C6orf89: variants seen among roughly 807,000 people sequenced by gnomAD.
C6orf89 encodes chromosome 6 open reading frame 89.
C6orf89 carries 29 observed loss-of-function variants against 40.7 expected under a neutral mutation model. The observed-to-expected ratio is 0.71, with a 90% CI of 0.53 to 0.97. C6orf89 has a LOEUF of 0.97. Among genes scored for constraint, C6orf89 ranks in the 50% least tolerant of loss-of-function variants. The pLI, the probability that C6orf89 is intolerant of heterozygous loss-of-function variation, is 0.00. For synonymous variants in C6orf89, 165 were observed against 152.2 expected, an observed-to-expected ratio of 1.08 and a Z score of -0.62; for missense variants, 392 against 429.1, an observed-to-expected ratio of 0.91 and a Z score of 0.76.
Position 36,915,789 on chromosome 6 carries a change from C to T in C6orf89, c.696-656C>T, listed in dbSNP as rs559323919. ...ATTAAGTAACTTGCCTAAGGTTACC[C>T]AGCCAGGATCGAAACCCCAGTTTGT... On this transcript the variant is annotated intron_variant, in intron 6 of 8. Transcript: ENST00000480824. 5.3e-5 allele frequency among the ~76,000 whole-genome samples: 8 copies of T among 152,174 alleles called. No homozygotes were observed. The South Asian group carries it at 1.5e-3, about 28-fold the overall frequency.
At chr6:36,894,308 C>T (rs1761343011) in intron 1 of C6orf89, among the ~76,000 whole-genome samples, 196 bp from the exon 2 acceptor site, 1 of 152,258 alleles carries the variant, frequency 6.6e-6, no homozygotes, top group East Asian at 1.9e-4. Context: ...TTCTGGTCCT[C>T]TACTGAGTTT....
At chr6:36,889,247 C>A (rs941775082) in intron 1 of C6orf89, among the ~76,000 whole-genome samples, 1 of 152,168 alleles carries the variant, frequency 6.6e-6, no homozygotes, top group East Asian at 1.9e-4. Context: ...CTGAAAAAAA[C>A]GTCCTTCGAA....
At chr6:36,915,163 A>G (rs1316930865) in intron 6 of C6orf89, among the ~76,000 whole-genome samples, 1 of 152,200 alleles carries the variant, frequency 6.6e-6, no homozygotes, top group Non-Finnish European at 1.5e-5. Context: ...AAAGGGATGG[A>G]TGAAGAGGTG....
At chr6:36,917,039 C>G (rs1314120086) in intron 7 of C6orf89, among the ~76,000 whole-genome samples, 9 of 151,832 alleles carry the variant, frequency 5.9e-5, no homozygotes, top group Admixed American at 5.9e-4. Flanking sequence ...TAGGGAGACC[C>G]TATCTCTATT....
At chr6:36,905,101 C>G (rs1761878078) in intron 4 of C6orf89, among the ~76,000 whole-genome samples, 2 of 152,222 alleles carry the variant, frequency 1.3e-5, no homozygotes, top group East Asian at 3.8e-4. Flanking sequence ...TTGTTTATTA[C>G]TTACCAGATG....
rs1762684799 is a variant in C6orf89 at position 36,926,584 on chromosome 6, GGGGAGGGAAAGGGAA to G, written c.*3151_*3165del. The G allele has an allele frequency of 5.1e-5, 7 of 136,590 alleles. No homozygotes were observed. Among genetic ancestry groups the G allele is most frequent in the Admixed American group, 4.9e-4 (7 of 14,194 alleles). The allele number at this position is 136,590 out of a possible 1,614,324, so 8.5% of individuals were successfully genotyped here. A position where few individuals can be genotyped will look rare whatever the true frequency, so the allele number is the denominator to read the frequency against. On this transcript the variant is annotated 3_prime_UTR_variant, in exon 9 of 9. Coordinates refer to ENST00000480824, the MANE Select transcript of C6orf89 (RefSeq NM_001286635.2). ...AAGAGAGAGAGAAAAGAAGAGGGGA[GGGGAGGGAAAGGGAA>G]GGGAGGGGAGGGGAGGAGAGGAGAG...
Position 36,923,406 on chromosome 6 carries a change from G to T in C6orf89, c.1009G>T (p.Val337Phe). The stretch of plus-strand genomic sequence containing the variant: ...TATAGCCAGAGGGGTCCAGCCTTTG[G>T]TCATCTGCGATGGAACCGCTTTCTC... ...YVIARGVQPL[V>F]ICDGTAFSEL is the part of the protein sequence containing the mutation. The change falls in exon 9 of 9, where the codon GTC becomes TTC. Residue 337 changes from valine to phenylalanine, a missense_variant. Val to Phe is a conservative substitution (Grantham distance 50). Transcript: ENST00000480824. 1 of 1,614,166 alleles carries T rather than the reference G, an allele frequency of 6.2e-7. No homozygotes were observed. Among genetic ancestry groups the T allele is most frequent in the Non-Finnish European group, 8.5e-7 (1 of 1,179,992 alleles).
chr6:36,896,136 C>G (rs1443505799), intron 2 of C6orf89, among the ~76,000 whole-genome samples: 2 of 152,152 alleles, frequency 1.3e-5, no homozygotes, highest in African/African-American at 4.8e-5. Flanking sequence ...GAGATGGAGT[C>G]TCACTCTGTC....
At chr6:36,921,136 T>C (rs1398882456) in intron 8 of C6orf89, among the ~76,000 whole-genome samples, 2 of 150,238 alleles carry the variant, frequency 1.3e-5, no homozygotes, top group Non-Finnish European at 2.9e-5. Context: ...TGGCAGTGTC[T>C]ATAAAAGGCC....
At chr6:36,900,338 A>G (rs1400527865) in intron 3 of C6orf89, among the ~76,000 whole-genome samples, 1 of 149,486 alleles carries the variant, frequency 6.7e-6, no homozygotes, top group Non-Finnish European at 1.5e-5. Context: ...AGTAGCTGGG[A>G]TTACAGCCAT....
At chr6:36,876,799 G>A (rs1432761479) in intron 1 of C6orf89, among the ~76,000 whole-genome samples, 1 of 151,856 alleles carries the variant, frequency 6.6e-6, no homozygotes, top group Non-Finnish European at 1.5e-5. Context: ...TTACTCCAGA[G>A]TAGGTTTGGA....
intron 8 of C6orf89, among the ~76,000 whole-genome samples, chr6:36,921,439 A>G (rs1762506330): frequency 6.6e-6 from 1 of 152,152 alleles, no homozygotes; most frequent in African/African-American, 2.4e-5. Context: ...GACAAAATGT[A>G]CATTTTCCTG....
In C6orf89 at chr6:36,877,054, AT is replaced by A. The variant is rs929390371; in HGVS notation, c.-627-1947del. On this transcript the variant is annotated intron_variant, in intron 1 of 9. Transcript: ENST00000359359. ...ATATAAATGGAGTTATAAAGTACGT[AT>A]TTTTTTGTGCCTGGCTTCCTTTCCT... Among the ~76,000 whole-genome samples the A allele has an allele frequency of 2.0e-5, 3 of 152,022 alleles. 1 individual carries two copies. In the South Asian group the frequency reaches 6.2e-4, roughly 32 times the overall value.
At chr6:36,904,586 G>T (rs1761856191) in intron 4 of C6orf89, among the ~76,000 whole-genome samples, 1 of 152,222 alleles carries the variant, frequency 6.6e-6, no homozygotes. Context: ...AGAGTAAACA[G>T]AAACACATGA....
In C6orf89 at chr6:36,921,249, C is replaced by T. The variant is rs929443498; in HGVS notation, c.949+1548C>T. 1.1e-4 allele frequency among the ~76,000 whole-genome samples: 17 copies of T among 152,212 alleles called. No individual in the cohort carries two copies. The South Asian group carries it at 2.1e-3, about 19-fold the overall frequency. ...GGGCAGGGAGGGGTGGGGAAGCCAG[C>T]GAGCACCTGAAGCAGTGACAGAAAT... is the stretch of plus-strand genomic sequence containing the variant. On this transcript the variant is annotated intron_variant, in intron 8 of 8. Coordinates refer to ENST00000480824, the MANE Select transcript of C6orf89 (RefSeq NM_001286635.2).
intron 4 of C6orf89, among the ~76,000 whole-genome samples, chr6:36,912,809 T>C (rs771320063): frequency 1.5e-4 from 23 of 152,230 alleles, no homozygotes; most frequent in Non-Finnish European, 3.1e-4. Flanking sequence ...GGTCTTTCCC[T>C]GACGAGGATT....
At chr6:36,872,931 C>A (rs1774548206) in intron 1 of C6orf89, among the ~76,000 whole-genome samples, 1 of 152,194 alleles carries the variant, frequency 6.6e-6, no homozygotes, top group East Asian at 1.9e-4. Context: ...TGAGTCAACT[C>A]TGTATAGTCT....
intron 4 of C6orf89, among the ~76,000 whole-genome samples, chr6:36,913,799 C>G (rs1281145638): frequency 6.6e-6 from 1 of 151,738 alleles, no homozygotes; most frequent in African/African-American, 2.4e-5. Context: ...CTACTCCCTC[C>G]TCAGAGGCTG....
intron 2 of C6orf89, among the ~76,000 whole-genome samples, chr6:36,896,288 A>T (rs1761428270): frequency 6.6e-6 from 1 of 152,042 alleles, no homozygotes; most frequent in South Asian, 2.1e-4. Flanking sequence ...TTGTATTTTT[A>T]GTAGAGACAG....
Sources: allele counts gnomAD v4.1 joint callset (sites outside exome capture counted in the v4.1 genomes callset), GRCh38; gene constraint gnomAD v4.1.1; transcripts MANE v1.5; gene names NCBI Gene and HGNC (gene_info 2026-07-23, HGNC 2026-07-21).